FZR1: variants seen among roughly 807,000 people sequenced by gnomAD.
FZR1 encodes the protein fizzy-related protein homolog.
A neutral mutation model predicts 63.6 loss-of-function variants in FZR1; 11 were observed. The observed-to-expected ratio is 0.17, with a 90% CI of 0.11 to 0.29. The LOEUF is 0.29. Among genes scored for constraint, FZR1 ranks in the 10% least tolerant of loss-of-function variants. FZR1 has a pLI of 1.00. For synonymous variants in FZR1, 328 were observed against 297.9 expected, an observed-to-expected ratio of 1.10 and a Z score of -1.04; for missense variants, 440 against 687.5, an observed-to-expected ratio of 0.64 and a Z score of 4.03.
intron 1 of FZR1, among the ~76,000 whole-genome samples, chr19:3,519,248 G>A (rs985614985): frequency 1.2e-4 from 19 of 152,246 alleles, no homozygotes; most frequent in Non-Finnish European, 1.9e-4. Context: ...CTGCTGCCCT[G>A]CAAGGTGGCC....
chr19:3,527,754 C>A lies in FZR1; in HGVS notation c.594C>A (p.Leu198=). 1 of 1,612,900 alleles carries A rather than the reference C, an allele frequency of 6.2e-7. No individual in the cohort carries two copies. The highest frequency in any genetic ancestry group is 1.1e-5 in the South Asian group (1 of 91,090). ...TCAATCTGGTGGACTGGTCGTCCCT[C>A]AATGTGCTCAGCGTGGGGCTAGGCA... ...FYLNLVDWSS[L]NVLSVGLGTC... Residue 198 remains leucine, a synonymous_variant, in exon 7 of 14, where the codon CTC becomes CTA. Transcript: ENST00000441788.
chr19:3,524,839 CTCT>C (rs1219943454), intron 2 of FZR1, among the ~76,000 whole-genome samples: 1 of 152,142 alleles, frequency 6.6e-6, no homozygotes, highest in Non-Finnish European at 1.5e-5. Flanking sequence ...CCGTGTTTTC[CTCT>C]TCTTATGAGG....
chr19:3,533,218 G>A lies in FZR1; in HGVS notation c.1243-76G>A. ...CTGAGCTCTCACATGGGCTCAGGCG[G>A]GTGCATGTGAGGCAGCAGGCATAGC... On this transcript the variant is annotated intron_variant, in intron 11 of 13. Transcript: ENST00000441788. This position sits in a 1 kb window ranked among gnomAD's most constrained non-coding sequence, Gnocchi z 4.9. The A allele has an allele frequency of 1.1e-6, 1 of 885,944 alleles. No individual in the cohort carries two copies. The highest frequency in any genetic ancestry group is 1.9e-6 in the Non-Finnish European group (1 of 530,108). The allele number at this position is 885,944 out of a possible 1,614,324, so 54.9% of individuals were successfully genotyped here. A position where few individuals can be genotyped will look rare whatever the true frequency, so the allele number is the denominator to read the frequency against.
At chr19:3,534,371 C>A (rs768056893) in intron 12 of FZR1, 50 bp from the exon 13 acceptor site, 1 of 1,052,380 alleles carries the variant, frequency 9.5e-7, no homozygotes, top group Non-Finnish European at 1.5e-6. Context: ...AGCACTGTCC[C>A]GAGGCACCTA....
intron 1 of FZR1, among the ~76,000 whole-genome samples, chr19:3,519,346 G>T (rs776839460): frequency 6.6e-6 from 1 of 152,314 alleles, no homozygotes; most frequent in South Asian, 2.1e-4. Flanking sequence ...GTGGTGAGTC[G>T]CCTGCTGGCT....
Position 3,515,460 on chromosome 19 carries a change from C to G in FZR1, c.-34-7496C>G, listed in dbSNP as rs1054671005. On this transcript the variant is annotated intron_variant, in intron 1 of 13. Coordinates refer to ENST00000441788, the MANE Select transcript of FZR1 (RefSeq NM_016263.4). This position sits in a 1 kb window ranked among gnomAD's most constrained non-coding sequence, Gnocchi z 4.6. ...TTGTTTTTTTGAATACCTCACAGTT[C>G]ACGTGATACAGAATTCTAGAAGTAC... Among the ~76,000 whole-genome samples, 1 of 152,124 alleles carries G rather than the reference C, an allele frequency of 6.6e-6. No individual in the cohort carries two copies. Among genetic ancestry groups the G allele is most frequent in the Non-Finnish European group, 1.5e-5 (1 of 68,030 alleles).
chr19:3,531,546 C>T (rs981469081), intron 8 of FZR1, among the ~76,000 whole-genome samples, 168 bp from the exon 9 acceptor site: 8 of 152,206 alleles, frequency 5.3e-5, no homozygotes, highest in Admixed American at 6.5e-5. Context: ...CCCCAGCATG[C>T]ACTGAGGGGG....
Position 3,527,781 on chromosome 19 carries a change from C to G in FZR1, c.621C>G (p.Thr207=). The G allele has an allele frequency of 1.2e-6, 2 of 1,612,472 alleles. No individual in the cohort carries two copies. Among genetic ancestry groups the G allele is most frequent in the Non-Finnish European group, 8.5e-7 (1 of 1,179,540 alleles). The change falls in exon 7 of 14, where the codon ACC becomes ACG. Residue 207 remains threonine, a synonymous_variant. Coordinates refer to ENST00000441788, the MANE Select transcript of FZR1 (RefSeq NM_016263.4). The stretch of plus-strand genomic sequence containing the variant: ...ATGTGCTCAGCGTGGGGCTAGGCAC[C>G]TGCGTGTACCTGTGGAGTGCCTGTA... The part of the protein sequence containing the change: ...SLNVLSVGLG[T]CVYLWSACTS...
rs1430931696 is a variant in FZR1 at position 3,516,112 on chromosome 19, C to G, written c.-34-6844C>G. ...ATGTGCATTTTTTAAATTTTGGAAG[C>G]AGTTGCCAAATTGCCTTCCTTTGAA... On this transcript the variant is annotated intron_variant, in intron 1 of 13. Transcript: ENST00000441788. This position sits in a 1 kb window ranked among gnomAD's most constrained non-coding sequence, Gnocchi z 6.0. Among the ~76,000 whole-genome samples, 1 of 152,194 alleles carries G rather than the reference C, an allele frequency of 6.6e-6. No homozygotes were observed. The highest frequency in any genetic ancestry group is 1.9e-4 in the East Asian group (1 of 5,190).
At chr19:3,511,674 G>A (rs2083025482) in intron 1 of FZR1, among the ~76,000 whole-genome samples, 1 of 152,144 alleles carries the variant, frequency 6.6e-6, no homozygotes, top group South Asian at 2.1e-4. Context: ...GGGAGGCGTC[G>A]GCTGGCAGGT....
intron 7 of FZR1, among the ~76,000 whole-genome samples, chr19:3,529,168 GGGAGAGCGGT>G (rs2083201196): frequency 6.9e-6 from 1 of 144,182 alleles, no homozygotes; most frequent in African/African-American, 2.7e-5. Context: ...GAGAGCGGTT[GGGAGAGCGGT>G]TGGGAGAGCG....
chr19:3,532,198 C>T, intron 10 of FZR1, 103 bp downstream of exon 10: 1 of 1,138,102 alleles, frequency 8.8e-7, no homozygotes, highest in South Asian at 1.6e-5. Context: ...GGCGCGGGGC[C>T]CACTCCACAG....
chr19:3,523,031 C>A lies in FZR1; in HGVS notation c.42C>A (p.Val14=). Residue 14 remains valine, a synonymous_variant, in exon 2 of 14, where the codon GTC becomes GTA. Coordinates refer to ENST00000441788, the MANE Select transcript of FZR1 (RefSeq NM_016263.4). The part of the protein sequence containing the change: ...DYERRLLRQI[V]IQNENTMPRV... The stretch of plus-strand genomic sequence containing the variant: ...AGCGGCGCCTGCTTCGCCAGATCGT[C>A]ATCCAGAATGAGAACACGATGCCAC... 6.2e-7 allele frequency: 1 copy of A among 1,610,738 alleles called. No homozygotes were observed. Among genetic ancestry groups the A allele is most frequent in the Non-Finnish European group, 8.5e-7 (1 of 1,178,052 alleles).
At chr19:3,524,429 C>T (rs1451813493) in intron 2 of FZR1, among the ~76,000 whole-genome samples, 1 of 152,226 alleles carries the variant, frequency 6.6e-6, no homozygotes, top group Non-Finnish European at 1.5e-5. Flanking sequence ...ACAGCCTGGA[C>T]TTTATGACAC....
intron 1 of FZR1, among the ~76,000 whole-genome samples, chr19:3,519,396 A>C (rs1356526703): frequency 6.6e-6 from 1 of 152,304 alleles, no homozygotes; most frequent in South Asian, 2.1e-4. Flanking sequence ...GGCGACCTGC[A>C]TGGAGCCGAC....
rs778426775 is a variant in FZR1, at chr19:3,526,398, G to C, written c.387+12G>C. ...AGGGTCTGTTCACGGTAAGCCTGCG[G>C]CACCCCCCACCCGGGAGCTGGCTCC... On this transcript the variant is annotated intron_variant, in intron 5 of 13. Coordinates refer to ENST00000441788, the MANE Select transcript of FZR1 (RefSeq NM_016263.4). The surrounding 1 kb of genome is among the most constrained non-coding windows in gnomAD (Gnocchi z 5.4). The C allele has an allele frequency of 3.8e-6, 6 of 1,559,774 alleles. No homozygotes were observed. The Admixed American group carries it at 1.1e-4, about 28-fold the overall frequency.
intron 1 of FZR1, among the ~76,000 whole-genome samples, chr19:3,520,731 C>T (rs544362567): frequency 3.9e-5 from 6 of 152,372 alleles, no homozygotes; most frequent in African/African-American, 1.4e-4. Flanking sequence ...CAACCCCAGG[C>T]CGGGAGCTCG....
rs1464766120 is a variant in FZR1, at chr19:3,526,887, C to T, written c.388-93C>T. 13 of 875,048 alleles carry T rather than the reference C, an allele frequency of 1.5e-5. No individual in the cohort carries two copies. In the South Asian group the frequency reaches 1.5e-4, roughly 10 times the overall value. 54.2% of individuals were successfully genotyped at this position (875,048 alleles called of 1,614,324 possible). A position where few individuals can be genotyped will look rare whatever the true frequency, so the allele number is the denominator to read the frequency against. On this transcript the variant is annotated intron_variant, in intron 5 of 13. Coordinates refer to ENST00000441788, the MANE Select transcript of FZR1 (RefSeq NM_016263.4). The surrounding 1 kb of genome is among the most constrained non-coding windows in gnomAD (Gnocchi z 5.4). ...CAGGGTCTCAGCACCTGCCTTAGGG[C>T]TATGAGCTGTACCGGGAGCGTGGGC...
intron 11 of FZR1, 79 bp downstream of exon 11, chr19:3,532,729 G>A: frequency 1.0e-6 from 1 of 968,522 alleles, no homozygotes; most frequent in Non-Finnish European, 1.6e-6. Context: ...CCTGAGAGCA[G>A]CCTGTGGGGA....
Sources: gnomAD v4.1 joint callset for allele counts (sites outside exome capture counted in the v4.1 genomes callset) on GRCh38, gnomAD v4.1.1 for gene constraint, Gnocchi (gnomAD v3.1) non-coding constraint, MANE v1.5 for transcripts, NCBI Gene and HGNC (gene_info 2026-07-23, HGNC 2026-07-21) for gene names.